The following LDLRAD3 variants were observed in gnomAD, a reference collection of about 807,000 sequenced individuals.
LDLRAD3 encodes low-density lipoprotein receptor class A domain-containing protein 3.
In LDLRAD3, 20 loss-of-function variants were observed where a neutral mutation model predicts 29.4. The ratio of observed to expected loss-of-function variants is 0.68; its 90% CI spans 0.48 to 0.99. LDLRAD3 has a LOEUF of 0.99. Ranked by LOEUF, LDLRAD3 falls within the 50% of genes least tolerant of loss-of-function variation. The pLI is 0.00. For synonymous variants in LDLRAD3, 157 were observed against 192.7 expected (o/e 0.81, Z 1.53); for missense variants, 420 against 454.3 (o/e 0.92, Z 0.69).
chr11:36,166,842 A>G (rs1196013948), intron 4 of LDLRAD3, among the ~76,000 whole-genome samples: 2 of 152,278 alleles, frequency 1.3e-5, no homozygotes, highest in Middle Eastern at 3.4e-3. Flanking sequence ...ATGTCTGTCA[A>G]ATTCCCAGGA....
rs558718655 is a variant in LDLRAD3, at chr11:36,084,906, T to G, written c.319+3128T>G. On this transcript the variant is annotated intron_variant, in intron 3 of 5. Transcript: ENST00000315571. ...CGCTTTAGAGTATAGTTGTCTTATA[T>G]AATACATCTGTGTACGTTAGCCACC... 2.0e-5 allele frequency among the ~76,000 whole-genome samples: 3 copies of G among 152,382 alleles called. No individual in the cohort carries two copies. In the South Asian group the frequency reaches 6.2e-4, roughly 32 times the overall value.
At chr11:36,038,987 T>TTC (rs1554959665) in intron 2 of LDLRAD3, among the ~76,000 whole-genome samples, 2 of 149,070 alleles carry the variant, frequency 1.3e-5, no homozygotes, top group East Asian at 2.0e-4. Flanking sequence ...TTTTTTTTTT[T>TTC]AGACGGAGTC....
At chr11:36,049,073 T>C (rs1852492103) in intron 2 of LDLRAD3, among the ~76,000 whole-genome samples, 2 of 152,056 alleles carry the variant, frequency 1.3e-5, no homozygotes, top group East Asian at 3.9e-4. Flanking sequence ...CTGGAATGAG[T>C]GTGGTCAGGT....
chr11:36,075,333 T>C (rs1394978092), intron 2 of LDLRAD3, among the ~76,000 whole-genome samples: 1 of 80,208 alleles, frequency 1.2e-5, no homozygotes, highest in Non-Finnish European at 2.9e-5. Flanking sequence ...TTAGCTTTGA[T>C]TATATGCCAA....
chr11:36,088,964 C>T (rs1853236709), intron 3 of LDLRAD3, among the ~76,000 whole-genome samples: 1 of 152,186 alleles, frequency 6.6e-6, no homozygotes, highest in South Asian at 2.1e-4. Flanking sequence ...CCTGCTTCAT[C>T]CTTCCCCACA....
intron 1 of LDLRAD3, among the ~76,000 whole-genome samples, chr11:36,027,821 A>G (rs949343982): frequency 2.0e-5 from 3 of 152,196 alleles, no homozygotes; most frequent in Admixed American, 1.3e-4. Context: ...TGAAGTGCAG[A>G]GTCGATTGGC....
At chr11:36,042,939 G>A (rs1371113297) in intron 2 of LDLRAD3, among the ~76,000 whole-genome samples, 1 of 152,136 alleles carries the variant, frequency 6.6e-6, no homozygotes, top group Non-Finnish European at 1.5e-5. Context: ...GGTGGAAGCT[G>A]TCCAATTTGT....
At chr11:36,047,418 G>A (rs572419046) in intron 2 of LDLRAD3, among the ~76,000 whole-genome samples, 3 of 152,084 alleles carry the variant, frequency 2.0e-5, no homozygotes, top group South Asian at 2.1e-4. Flanking sequence ...TTTTCAATGG[G>A]CTAAGAAAAC....
At chr11:36,009,840 T>G (rs1851932871) in intron 1 of LDLRAD3, among the ~76,000 whole-genome samples, 1 of 151,990 alleles carries the variant, frequency 6.6e-6, no homozygotes, top group African/African-American at 2.4e-5. Flanking sequence ...TTTATTTTTC[T>G]TACGAAGAAG....
At chr11:36,191,601 C>T (rs7128037) in intron 4 of LDLRAD3, among the ~76,000 whole-genome samples, 47,836 of 86,484 alleles carry the variant, frequency 0.55, 11,626 homozygotes, top group East Asian at 0.61. Flanking sequence ...TATATATATA[C>T]ACACACACAC....
At chr11:36,017,778 C>T (rs1035974048) in intron 1 of LDLRAD3, among the ~76,000 whole-genome samples, 1 of 152,124 alleles carries the variant, frequency 6.6e-6, no homozygotes, top group Non-Finnish European at 1.5e-5. Flanking sequence ...ACCCGCTTGG[C>T]CTCCCACAGT....
intron 4 of LDLRAD3, among the ~76,000 whole-genome samples, chr11:36,122,049 C>T (rs1853766995): frequency 6.6e-6 from 1 of 152,160 alleles, no homozygotes; most frequent in Non-Finnish European, 1.5e-5. Context: ...GGCATGAGGT[C>T]ATCCAGTAAA....
chr11:36,098,047 G>T (rs1199392638), intron 3 of LDLRAD3, among the ~76,000 whole-genome samples: 2 of 152,200 alleles, frequency 1.3e-5, no homozygotes, highest in Non-Finnish European at 2.9e-5. Context: ...GATTCCTGTT[G>T]CTGGTGTTGA....
At chr11:36,054,868 A>ATGAATGGATGG (rs1291785646) in intron 2 of LDLRAD3, among the ~76,000 whole-genome samples, 2 of 33,408 alleles carry the variant, frequency 6.0e-5, no homozygotes, top group Admixed American at 3.5e-4. Context: ...TGGATGGATG[A>ATGAATGGATGG]ATGGATGGAT....
At chr11:36,067,709 C>T (rs1852818521) in intron 2 of LDLRAD3, among the ~76,000 whole-genome samples, 1 of 152,222 alleles carries the variant, frequency 6.6e-6, no homozygotes, top group Admixed American at 6.5e-5. Flanking sequence ...CTTGCTCTGT[C>T]ACCCACGCTA....
intron 2 of LDLRAD3, among the ~76,000 whole-genome samples, chr11:36,046,784 T>C (rs965164362): frequency 2.6e-5 from 4 of 152,284 alleles, no homozygotes; most frequent in East Asian, 3.9e-4. Context: ...CTGCATTCAC[T>C]TGGGGAATAT....
At chr11:36,092,823 G>T (rs1415925832) in intron 3 of LDLRAD3, among the ~76,000 whole-genome samples, 1 of 152,220 alleles carries the variant, frequency 6.6e-6, no homozygotes, top group Non-Finnish European at 1.5e-5. Context: ...CCTTGAGGAA[G>T]CTCCTGGCAC....
intron 4 of LDLRAD3, among the ~76,000 whole-genome samples, chr11:36,145,073 C>T (rs1239026580): frequency 9.8e-6 from 1 of 102,456 alleles, no homozygotes; most frequent in Admixed American, 8.5e-5. Flanking sequence ...AGGAGCCCCT[C>T]TGCCCGGCCA....
chr11:36,191,568 CTCTCTCTCTA>C (rs1392449033), intron 4 of LDLRAD3, among the ~76,000 whole-genome samples: 6 of 78,886 alleles, frequency 7.6e-5, no homozygotes, highest in African/African-American at 2.3e-4. Context: ...CTCTCTCTCT[CTCTCTCTCTA>C]TATATATATA....
Sources: gnomAD v4.1 joint callset for allele counts (sites outside exome capture counted in the v4.1 genomes callset) on GRCh38, gnomAD v4.1.1 for gene constraint, MANE v1.5 for transcripts, NCBI Gene and HGNC (gene_info 2026-07-23, HGNC 2026-07-21) for gene names.